Variants in FOXP2 observed in about 807,000 individuals in gnomAD.
FOXP2 encodes forkhead box protein P2.
A neutral mutation model predicts 115.8 loss-of-function variants in FOXP2; 12 were observed. That is an observed-to-expected ratio of 0.10 (90% CI 0.07 to 0.17). The LOEUF (loss-of-function observed/expected upper bound fraction) is 0.17, where lower values mean the gene tolerates loss of function less well. Among genes scored for constraint, FOXP2 ranks in the 10% least tolerant of loss-of-function variants. FOXP2 has a pLI of 1.00. For missense variants in FOXP2, 629 were observed against 843.5 expected (o/e 0.75, Z 3.15); for synonymous variants, 328 against 297.7 (o/e 1.10, Z -1.05).
chr7:114,423,046 C>G (rs937398921), intron 1 of FOXP2, among the ~76,000 whole-genome samples: 1 of 151,646 alleles, frequency 6.6e-6, no homozygotes, highest in Non-Finnish European at 1.5e-5. Flanking sequence ...TGGTTGTGCA[C>G]GCTTTATTCA....
intron 3 of FOXP2, among the ~76,000 whole-genome samples, chr7:114,553,062 A>T (rs1286146866): frequency 1.4e-5 from 2 of 147,560 alleles, no homozygotes; most frequent in South Asian, 4.4e-4. Flanking sequence ...CATTTTAGAT[A>T]CTGTGAAATT....
chr7:114,144,742 T>C (rs923722341), intron 1 of FOXP2, among the ~76,000 whole-genome samples: 1 of 152,140 alleles, frequency 6.6e-6, no homozygotes. Flanking sequence ...TATACTTATA[T>C]GTAGCCAAAT....
chr7:114,214,269 C>A (rs953091121), intron 1 of FOXP2, among the ~76,000 whole-genome samples: 3 of 152,070 alleles, frequency 2.0e-5, no homozygotes, highest in Non-Finnish European at 2.9e-5. Context: ...AGTATAAAAC[C>A]AAGCAATTTG....
At chr7:114,444,533 C>T (rs1210281684) in intron 2 of FOXP2, among the ~76,000 whole-genome samples, 1 of 152,142 alleles carries the variant, frequency 6.6e-6, no homozygotes, top group East Asian at 1.9e-4. Context: ...TCCTTTCTTT[C>T]TCACTAGTAC....
At chr7:114,436,379 G>A (rs1794351261) in intron 2 of FOXP2, among the ~76,000 whole-genome samples, 1 of 151,052 alleles carries the variant, frequency 6.6e-6, no homozygotes, top group Non-Finnish European at 1.5e-5. Flanking sequence ...TTCCCCGCTA[G>A]ACAGTAAGTT....
intron 2 of FOXP2, among the ~76,000 whole-genome samples, chr7:114,505,784 T>C (rs974509010): frequency 9.9e-5 from 15 of 151,598 alleles, no homozygotes; most frequent in South Asian, 4.1e-4. Context: ...CTCTCTTTAA[T>C]TGATAAAAAT....
At chr7:114,288,629 A>C (rs1168027964) in intron 2 of FOXP2, among the ~76,000 whole-genome samples, 1 of 151,666 alleles carries the variant, frequency 6.6e-6, no homozygotes, top group Non-Finnish European at 1.5e-5. Flanking sequence ...ATTTTGAAAG[A>C]TTTGTTTTCT....
At chr7:114,091,672 C>A (rs2129139147) in intron 1 of FOXP2, among the ~76,000 whole-genome samples, 1 of 151,900 alleles carries the variant, frequency 6.6e-6, no homozygotes, top group Non-Finnish European at 1.5e-5. Context: ...TTTACTGTTT[C>A]ATGTTGTAAT....
At chr7:114,272,010 A>C (rs1419880554) in intron 1 of FOXP2, among the ~76,000 whole-genome samples, 4 of 137,072 alleles carry the variant, frequency 2.9e-5, no homozygotes, top group African/African-American at 1.1e-4. Flanking sequence ...TAATATTATA[A>C]TTATAATATT....
chr7:114,285,204 T>C (rs1363605678), intron 1 of FOXP2, among the ~76,000 whole-genome samples: 3 of 152,118 alleles, frequency 2.0e-5, no homozygotes, highest in African/African-American at 4.8e-5. Flanking sequence ...TTTGGGTTTT[T>C]TTGGTATGTG....
Position 114,130,089 on chromosome 7 carries a change from G to T in FOXP2, c.-246-32855G>T, listed in dbSNP as rs1202863591. Among the ~76,000 whole-genome samples the T allele has an allele frequency of 2.0e-5, 3 of 152,088 alleles. No individual in the cohort carries two copies. In the South Asian group the frequency reaches 6.2e-4, roughly 31 times the overall value. On this transcript the variant is annotated intron_variant, in intron 1 of 19. Transcript: ENST00000635638. ...AGCACATTGGGAGACAAAGGTGGGA[G>T]GATTGCTTGAGCCCAGGAGTTCAAG...
intron 1 of FOXP2, among the ~76,000 whole-genome samples, chr7:114,279,577 A>T (rs139625924): frequency 6.6e-6 from 1 of 152,158 alleles, no homozygotes; most frequent in Admixed American, 6.6e-5. Context: ...GTGGCTGCAT[A>T]GTCATTTTCA....
At chr7:114,255,438 C>G (rs1239097306) in intron 1 of FOXP2, among the ~76,000 whole-genome samples, 1 of 152,188 alleles carries the variant, frequency 6.6e-6, no homozygotes, top group Non-Finnish European at 1.5e-5. Context: ...GTGGGCTCCA[C>G]CCAGTTGGAG....
intron 9 of FOXP2, among the ~76,000 whole-genome samples, chr7:114,653,025 G>T (rs972643358): frequency 6.6e-6 from 1 of 152,088 alleles, no homozygotes; most frequent in African/African-American, 2.4e-5. Flanking sequence ...TCATCTTAAA[G>T]ATGATCTTTT....
intron 1 of FOXP2, among the ~76,000 whole-genome samples, chr7:114,277,099 C>T (rs572637913): frequency 6.6e-6 from 1 of 152,220 alleles, no homozygotes; most frequent in African/African-American, 2.4e-5. Context: ...GAAGTCGGAA[C>T]CCACTGGCAA....
chr7:114,224,209 A>G (rs1794692723), intron 1 of FOXP2, among the ~76,000 whole-genome samples: 1 of 152,148 alleles, frequency 6.6e-6, no homozygotes, highest in South Asian at 2.1e-4. Context: ...TGAAGATTTC[A>G]TAAGACTTTA....
intron 1 of FOXP2, among the ~76,000 whole-genome samples, chr7:114,236,726 C>T (rs1311295144): frequency 3.3e-5 from 5 of 152,196 alleles, no homozygotes; most frequent in Admixed American, 3.3e-4. Context: ...CCTGTGATCC[C>T]AGCACTTCGA....
At chr7:114,606,394 T>A (rs1286728611) in intron 3 of FOXP2, among the ~76,000 whole-genome samples, 1 of 152,172 alleles carries the variant, frequency 6.6e-6, no homozygotes, top group Non-Finnish European at 1.5e-5. Flanking sequence ...AGACCTAGAA[T>A]TTTTAAGAAA....
chr7:114,621,958 A>T (rs996811177), intron 3 of FOXP2, among the ~76,000 whole-genome samples: 3 of 152,072 alleles, frequency 2.0e-5, no homozygotes, highest in African/African-American at 7.2e-5. Flanking sequence ...AAATACTTCA[A>T]ACAGGCTAAA....
Sources: gnomAD v4.1 joint callset for allele counts (sites outside exome capture counted in the v4.1 genomes callset) on GRCh38, gnomAD v4.1.1 for gene constraint, MANE v1.5 for transcripts, NCBI Gene and HGNC (gene_info 2026-07-23, HGNC 2026-07-21) for gene names.